TBC1D16: variants seen among roughly 807,000 people sequenced by gnomAD.
The protein encoded by TBC1D16 is TBC1 domain family member 16, also known as CTD-2529O21.1.
In TBC1D16, 58 loss-of-function variants were observed where a neutral mutation model predicts 74.7. The observed-to-expected ratio is 0.78, with a 90% confidence interval of 0.63 to 0.97. TBC1D16 has a LOEUF of 0.97. TBC1D16 is among the 50% of genes least tolerant of loss of function. The probability of loss-of-function intolerance (pLI) is 0.00; values close to 1 mark genes in which losing one functional copy is unlikely to be tolerated. For synonymous variants in TBC1D16, 493 were observed against 474.7 expected, an observed-to-expected ratio of 1.04 and a Z score of -0.50; for missense variants, 1,014 against 1,079.5, an observed-to-expected ratio of 0.94 and a Z score of 0.85.
At position 79,993,405 on chromosome 17, in the gene TBC1D16, T is replaced by G. The variant is rs2035148336; in HGVS notation, c.779+16755A>C. 6.6e-6 allele frequency among the ~76,000 whole-genome samples: 1 copy of G among 152,196 alleles called. No individual in the cohort carries two copies. Among genetic ancestry groups the G allele is most frequent in the African/African-American group, 2.4e-5 (1 of 41,456 alleles). On this transcript the variant is annotated intron_variant, in intron 3 of 11. Transcript: ENST00000310924. The surrounding 1 kb of genome is among the most constrained non-coding windows in gnomAD (Gnocchi z 5.1). ...CAGATTCCCTGAGGCCAGGAGGCAC[T>G]TAGGTGGACGGGCACCAGGAGCCCT...
At chr17:80,011,716 C>A (rs1014672688) in intron 2 of TBC1D16, among the ~76,000 whole-genome samples, 3 of 151,920 alleles carry the variant, frequency 2.0e-5, no homozygotes, top group African/African-American at 7.3e-5. Flanking sequence ...GTCCCAGCTA[C>A]TTGGGAGGCT....
Position 79,971,492 on chromosome 17 carries a change from T to C in TBC1D16, c.780-18674A>G, listed in dbSNP as rs1164615700. On this transcript the variant is annotated intron_variant, in intron 3 of 11. Coordinates refer to ENST00000310924, the MANE Select transcript of TBC1D16 (RefSeq NM_019020.4). The surrounding 1 kb of genome is among the most constrained non-coding windows in gnomAD (Gnocchi z 4.6). ...TCCCCCAGGTCATCCTGGTCAGCAG[T>C]TGAGTGACTCTTCTTCCAAAGTTCG... is the stretch of plus-strand genomic sequence containing the variant. Among the ~76,000 whole-genome samples the C allele has an allele frequency of 3.3e-5, 5 of 152,180 alleles. No homozygotes were observed. Among genetic ancestry groups the C allele is most frequent in the Admixed American group, 3.3e-4 (5 of 15,284 alleles).
intron 1 of TBC1D16, among the ~76,000 whole-genome samples, chr17:80,032,650 A>T (rs1339202952): frequency 6.6e-6 from 1 of 152,130 alleles, no homozygotes; most frequent in African/African-American, 2.4e-5. Flanking sequence ...GGCCTCCAAC[A>T]TCATTGCCCC....
At chr17:79,964,916 GTATTT>G (rs1407168561) in intron 3 of TBC1D16, among the ~76,000 whole-genome samples, 3 of 151,804 alleles carry the variant, frequency 2.0e-5, no homozygotes, top group African/African-American at 7.3e-5. Context: ...ATATTGACAG[GTATTT>G]TATACCTATG....
chr17:80,015,882 G>A (rs2036069606), intron 1 of TBC1D16, among the ~76,000 whole-genome samples: 1 of 152,004 alleles, frequency 6.6e-6, no homozygotes, highest in Non-Finnish European at 1.5e-5. Context: ...GTGGTGGCAT[G>A]TGCCTGTAGT....
At chr17:79,973,219 C>A (rs887930058) in intron 3 of TBC1D16, among the ~76,000 whole-genome samples, 3 of 152,180 alleles carry the variant, frequency 2.0e-5, no homozygotes, top group Admixed American at 6.5e-5. Context: ...TATACATACA[C>A]ACCTATGATA....
At chr17:80,002,562 C>A (rs1380729012) in intron 3 of TBC1D16, among the ~76,000 whole-genome samples, 3 of 152,192 alleles carry the variant, frequency 2.0e-5, no homozygotes, top group Admixed American at 6.5e-5. Context: ...GTCTTATCAT[C>A]TCGTCTTTCC....
chr17:79,960,577 G>A (rs948821265), intron 3 of TBC1D16, among the ~76,000 whole-genome samples: 1 of 151,740 alleles, frequency 6.6e-6, no homozygotes, highest in Non-Finnish European at 1.5e-5. Context: ...GCAACATGGC[G>A]AAATCCCGTT....
chr17:80,006,222 T>G (rs907637973), intron 3 of TBC1D16, among the ~76,000 whole-genome samples: 10 of 145,066 alleles, frequency 6.9e-5, no homozygotes, highest in South Asian at 2.3e-4. Flanking sequence ...CTTTCTCTCT[T>G]TCTTTCTCTC....
chr17:79,992,601 G>A (rs2035112666), intron 3 of TBC1D16, among the ~76,000 whole-genome samples: 3 of 152,344 alleles, frequency 2.0e-5, no homozygotes, highest in East Asian at 1.9e-4. Context: ...GCCAGTCCGA[G>A]GCTCCCAGGA....
chr17:79,951,417 C>T (rs780015494), intron 5 of TBC1D16, 33 bp downstream of exon 5: 9 of 1,606,564 alleles, frequency 5.6e-6, no homozygotes, highest in South Asian at 3.3e-5. Flanking sequence ...GAGTGTCAAC[C>T]GCTGGGCATT....
intron 3 of TBC1D16, among the ~76,000 whole-genome samples, chr17:79,989,819 G>A (rs974391991): frequency 1.3e-5 from 2 of 152,134 alleles, no homozygotes; most frequent in African/African-American, 2.4e-5. Flanking sequence ...CAAGGGGTGC[G>A]GAGAGGGACC....
At chr17:79,951,729 G>T in intron 4 of TBC1D16, 132 bp from the exon 5 acceptor site, 1 of 1,111,280 alleles carries the variant, frequency 9.0e-7, no homozygotes, top group Non-Finnish European at 1.3e-6. Context: ...AGTGGAGTTG[G>T]CTGCTAGCGG....
rs538967930 is a variant in TBC1D16, at chr17:79,954,210, A to C, written c.780-1392T>G. On this transcript the variant is annotated intron_variant, in intron 3 of 11. Coordinates refer to ENST00000310924, the MANE Select transcript of TBC1D16 (RefSeq NM_019020.4). This position sits in a 1 kb window ranked among gnomAD's most constrained non-coding sequence, Gnocchi z 5.5. ...CACCTGCCTTCCCGTTTGAGCTCAGAACATAAACTATTAGAGGCAATCAAT... is the reference window on the plus strand; with the variant it reads ...CACCTGCCTTCCCGTTTGAGCTCAGCACATAAACTATTAGAGGCAATCAAT... 2.0e-5 allele frequency among the ~76,000 whole-genome samples: 3 copies of C among 152,276 alleles called. No individual in the cohort carries two copies. In the East Asian group the frequency reaches 5.8e-4, roughly 29 times the overall value.
At chr17:80,005,191 T>G (rs8070465) in intron 3 of TBC1D16, among the ~76,000 whole-genome samples, 61,506 of 152,130 alleles carry the variant, frequency 0.4, 13,293 homozygotes, top group Admixed American at 0.56. Context: ...GCAGTCCTCC[T>G]GCCTCAGCCT....
At chr17:79,948,275 T>G in intron 8 of TBC1D16, among the ~76,000 whole-genome samples, 1 of 146,438 alleles carries the variant, frequency 6.8e-6, no homozygotes, top group African/African-American at 2.6e-5. Context: ...ATCACACCAC[T>G]GCACTCCAGT....
At chr17:79,976,465 G>T (rs368346902) in intron 3 of TBC1D16, among the ~76,000 whole-genome samples, 1 of 152,186 alleles carries the variant, frequency 6.6e-6, no homozygotes, top group South Asian at 2.1e-4. Context: ...GTGTGTGCAC[G>T]TGTGTGTGTT....
Position 80,035,142 on chromosome 17 carries a change from A to T in TBC1D16, c.-63+653T>A, listed in dbSNP as rs188202781. Among the ~76,000 whole-genome samples the T allele has an allele frequency of 3.1e-4, 47 of 152,372 alleles. No individual in the cohort carries two copies. The highest frequency in any genetic ancestry group is 1.1e-3 in the African/African-American group (47 of 41,598). ...TGGGAATCACAGGATTTCAGGATTCAGCGGCTTCCGGCAGGATCCCCTAGG... is the reference window on the plus strand; with the variant it reads ...TGGGAATCACAGGATTTCAGGATTCTGCGGCTTCCGGCAGGATCCCCTAGG... On this transcript the variant is annotated intron_variant, in intron 1 of 11. Transcript: ENST00000310924. The surrounding 1 kb of genome is among the most constrained non-coding windows in gnomAD (Gnocchi z 5.3).
chr17:79,961,328 TG>T lies in TBC1D16; in HGVS notation c.780-8511del, dbSNP rs2033605762. On this transcript the variant is annotated intron_variant, in intron 3 of 11. Coordinates refer to ENST00000310924, the MANE Select transcript of TBC1D16 (RefSeq NM_019020.4). The surrounding 1 kb of genome is among the most constrained non-coding windows in gnomAD (Gnocchi z 4.8). Reference sequence around the variant, plus strand: ...TACTCACCTATTAGAATGGCTACAGTGGACAAGACTGATCATAGCAAGTGTT... The same window carrying T: ...TACTCACCTATTAGAATGGCTACAGTGACAAGACTGATCATAGCAAGTGTT... Among the ~76,000 whole-genome samples the T allele has an allele frequency of 1.3e-5, 2 of 152,176 alleles. No individual in the cohort carries two copies. Among genetic ancestry groups the T allele is most frequent in the Admixed American group, 6.5e-5 (1 of 15,282 alleles).
Sources: allele counts gnomAD v4.1 joint callset (sites outside exome capture counted in the v4.1 genomes callset), GRCh38; gene constraint gnomAD v4.1.1; non-coding constraint Gnocchi (gnomAD v3.1); transcripts MANE v1.5; gene names NCBI Gene and HGNC (gene_info 2026-07-23, HGNC 2026-07-21).